ZNF35: variants seen among roughly 807,000 people sequenced by gnomAD.
ZNF35 encodes zinc finger protein 35 (clone HF.10).
A neutral mutation model predicts 45.9 loss-of-function variants in ZNF35; 31 were observed. The ratio of observed to expected loss-of-function variants is 0.68; its 90% CI spans 0.51 to 0.91. ZNF35 has a LOEUF of 0.91. Among genes scored for constraint, ZNF35 ranks in the 40% least tolerant of loss-of-function variants. ZNF35 has a pLI of 0.00. For synonymous variants in ZNF35, 205 were observed against 220.2 expected, an observed-to-expected ratio of 0.93 and a Z score of 0.61; for missense variants, 515 against 625.4, an observed-to-expected ratio of 0.82 and a Z score of 1.88.
At position 44,649,734 on chromosome 3, in the gene ZNF35, G is replaced by T. The variant is rs1348583030; in HGVS notation, c.-128+900G>T. On this transcript the variant is annotated intron_variant, in intron 1 of 3. Coordinates refer to ENST00000396056, the MANE Select transcript of ZNF35 (RefSeq NM_003420.4). The stretch of plus-strand genomic sequence containing the variant: ...TCAGCAAAAAAAAAATATTTACAAA[G>T]AAAAACTTTTAAATATTAATAAAAT... Among the ~76,000 whole-genome samples the T allele has an allele frequency of 2.6e-5, 4 of 151,670 alleles. No individual in the cohort carries two copies. In the East Asian group the frequency reaches 5.8e-4, roughly 22 times the overall value.
intron 1 of ZNF35, among the ~76,000 whole-genome samples, chr3:44,650,117 A>G (rs571672680): frequency 6.6e-6 from 1 of 151,508 alleles, no homozygotes; most frequent in South Asian, 2.1e-4. Context: ...TATATATTTA[A>G]TTCTATATAT....
rs559568368 is a variant in ZNF35 at position 44,654,727 on chromosome 3, C to T, written c.337+2026C>T. 4.3e-4 allele frequency among the ~76,000 whole-genome samples: 66 copies of T among 152,220 alleles called. 1 individual carries two copies. The highest frequency in any genetic ancestry group is 1.6e-3 in the African/African-American group (65 of 41,516). On this transcript the variant is annotated intron_variant, in intron 3 of 3. Coordinates refer to ENST00000396056, the MANE Select transcript of ZNF35 (RefSeq NM_003420.4). ...AAAAACCAATTTTTAAGCCATTAAGCATAACTTTTTACTTCATCCATACAT... is the reference window on the plus strand; with the variant it reads ...AAAAACCAATTTTTAAGCCATTAAGTATAACTTTTTACTTCATCCATACAT...
At chr3:44,653,508 T>G (rs1172224285) in intron 3 of ZNF35, among the ~76,000 whole-genome samples, 5 of 152,216 alleles carry the variant, frequency 3.3e-5, no homozygotes, top group Admixed American at 3.3e-4. Flanking sequence ...CATAGGTTGG[T>G]GAGCCTGCAA....
chr3:44,658,482 A>G (rs1430838455), intron 3 of ZNF35, among the ~76,000 whole-genome samples: 19 of 152,218 alleles, frequency 1.2e-4, no homozygotes, highest in Non-Finnish European at 2.8e-4. Flanking sequence ...AGTGCTGGAA[A>G]GACCACGAGT....
chr3:44,652,729 C>T, intron 3 of ZNF35, 28 bp downstream of exon 3: 1 of 1,521,316 alleles, frequency 6.6e-7, no homozygotes, highest in Non-Finnish European at 8.8e-7. Context: ...GATTCTGAAT[C>T]TGACCATTGG....
upstream of ZNF35, chr3:44,648,384 A>T (rs566844850): frequency 6.6e-6 from 1 of 152,376 alleles, no homozygotes; most frequent in Non-Finnish European, 1.5e-5. Flanking sequence ...TGTTGAGTCC[A>T]CATGGAAAAT....
chr3:44,651,111 G>A lies in ZNF35; in HGVS notation c.44G>A (p.Gly15Asp), dbSNP rs749876407. The change falls in exon 2 of 4, where the codon GGC (glycine) becomes GAC (aspartate). Residue 15 changes from glycine to aspartate, a missense_variant. Physicochemically the swap from Gly to Asp is moderately conservative, Grantham distance 94. Around this residue, in one of 3 missense-constraint regions of ZNF35, gnomAD observed 275 missense variants for 295.7 expected, o/e 0.93. Coordinates refer to ENST00000396056, the MANE Select transcript of ZNF35 (RefSeq NM_003420.4). ...LREAMALAPW[G>D]PVKVKKEEEE... ...GAAGCCATGGCCCTAGCCCCATGGG[G>A]CCCAGTGAAGGTGAAAAAGGAGGAG... 12 of 1,614,044 alleles carry A rather than the reference G, an allele frequency of 7.4e-6. No individual in the cohort carries two copies. In the South Asian group the frequency reaches 1.1e-4, roughly 15 times the overall value.
At chr3:44,655,853 G>C (rs1375804806) in intron 3 of ZNF35, among the ~76,000 whole-genome samples, 1 of 152,220 alleles carries the variant, frequency 6.6e-6, no homozygotes, top group Non-Finnish European at 1.5e-5. Context: ...AATCAGTTTA[G>C]TAGTTCCCAT....
In ZNF35 at chr3:44,651,200, G is replaced by A. The variant is rs142020701; in HGVS notation, c.133G>A (p.Val45Ile). 459 of 1,614,166 alleles carry A rather than the reference G, an allele frequency of 2.8e-4. No individual in the cohort carries two copies. The Middle Eastern group carries it at 4.0e-3, about 14-fold the overall frequency. The stretch of plus-strand genomic sequence containing the variant: ...ACAAGTGCACTCCGAGAACATCAAA[G>A]TCTGGGCCCCAGTGCAGGGTCTTCA... ...SQQVHSENIK[V>I]WAPVQGLQTG... Residue 45 changes from valine (V) to isoleucine (I), a missense_variant, in exon 2 of 4, where the codon GTC becomes ATC. Physicochemically the swap from Val to Ile is conservative, Grantham distance 29. Around this residue, in one of 3 missense-constraint regions of ZNF35, gnomAD observed 275 missense variants for 295.7 expected, o/e 0.93. Transcript: ENST00000396056.
chr3:44,649,038 A>G (rs1297274582), intron 1 of ZNF35, among the ~76,000 whole-genome samples: 2 of 152,172 alleles, frequency 1.3e-5, no homozygotes, highest in Non-Finnish European at 2.9e-5. Context: ...GAGGATGCAC[A>G]CGGACCGGCC....
At position 44,651,254 on chromosome 3, in the gene ZNF35, GA is replaced by G; in HGVS notation, c.191del (p.Lys64ArgfsTer11). 6.2e-7 allele frequency: 1 copy of G among 1,611,550 alleles called. No homozygotes were observed. Among genetic ancestry groups the G allele is most frequent in the Non-Finnish European group, 8.5e-7 (1 of 1,179,066 alleles). ...QTGLDGSEEEEKGQNISWDMA... is the reference protein window; with the variant it reads ...QTGLDGSEEEXKGQNISWDMA... ...AGGCCTTGATGGATCAGAAGAGGAA[GA>G]AAAGGTAAACGGGGGCCTGAGAGGA... is the stretch of plus-strand genomic sequence containing the variant. On this transcript the variant is annotated frameshift_variant, in exon 2 of 4. Transcript: ENST00000396056. LOFTEE classifies it high-confidence loss of function.
chr3:44,659,081 C>T lies in ZNF35; in HGVS notation c.718C>T (p.His240Tyr), dbSNP rs1703357949. 6.2e-7 allele frequency: 1 copy of T among 1,614,160 alleles called. No homozygotes were observed. Among genetic ancestry groups the T allele is most frequent in the African/African-American group, 1.3e-5 (1 of 75,056 alleles). Reference protein sequence around the residue: ...GFSQSANLVVHQRIHTGEKPF... With the variant: ...GFSQSANLVVYQRIHTGEKPF... The stretch of plus-strand genomic sequence containing the variant: ...TAGTCAGAGTGCAAACCTCGTTGTG[C>T]ATCAGCGAATCCACACTGGAGAGAA... Residue 240 changes from histidine (H) to tyrosine (Y), a missense_variant, in exon 4 of 4, where the codon CAT becomes TAT. By Grantham distance (83) the His-to-Tyr change is moderately conservative. Transcript: ENST00000396056. The surrounding 1 kb of genome is among the most constrained non-coding windows in gnomAD (Gnocchi z 4.3).
upstream of ZNF35, chr3:44,646,841 A>G (rs1203636604): frequency 1.0e-5 from 3 of 297,468 alleles, no homozygotes; most frequent in Non-Finnish European, 1.9e-5. Context: ...AAGCAATTCA[A>G]TGGAGGAGGG....
intron 2 of ZNF35, among the ~76,000 whole-genome samples, chr3:44,651,940 A>G (rs1297349410): frequency 1.3e-5 from 2 of 151,920 alleles, no homozygotes; most frequent in Non-Finnish European, 2.9e-5. Flanking sequence ...AGAGCTTCTA[A>G]AACTTTAATG....
chr3:44,659,659 C>A lies in ZNF35; in HGVS notation c.1296C>A (p.Cys432Ter). 1 of 1,614,186 alleles carries A rather than the reference C, an allele frequency of 6.2e-7. No individual in the cohort carries two copies. The highest frequency in any genetic ancestry group is 8.5e-7 in the Non-Finnish European group (1 of 1,180,040). ...GGAAAGCCTTCAGTCAGCTCTCTTGCCTTATTGTCCACCAGAGAATTCACA... is the reference window on the plus strand; with the variant it reads ...GGAAAGCCTTCAGTCAGCTCTCTTGACTTATTGTCCACCAGAGAATTCACA... ...ECGKAFSQLS[C>*]LIVHQRIHSG... Residue 432 changes from cysteine to a stop codon, truncating the protein, a stop_gained, in exon 4 of 4, where the codon TGC becomes TGA. Coordinates refer to ENST00000396056, the MANE Select transcript of ZNF35 (RefSeq NM_003420.4). LOFTEE classifies it high-confidence loss of function. This position sits in a 1 kb window ranked among gnomAD's most constrained non-coding sequence, Gnocchi z 4.3.
Position 44,660,444 on chromosome 3 carries a change from T to C in ZNF35, c.*497T>C, listed in dbSNP as rs1285369143. ...CTTACGAATGTTTATAAGCTTTCCA[T>C]TTCCTAGGTAATTTTTTAAAAGCCA... On this transcript the variant is annotated 3_prime_UTR_variant, in exon 4 of 4. Transcript: ENST00000396056. The C allele has an allele frequency of 2.0e-5, 3 of 152,682 alleles. No homozygotes were observed. The highest frequency in any genetic ancestry group is 7.2e-5 in the African/African-American group (3 of 41,468). 9.5% of individuals were successfully genotyped at this position (152,682 alleles called of 1,614,324 possible).
chr3:44,650,307 CA>C (rs1164549031), intron 1 of ZNF35, among the ~76,000 whole-genome samples: 2 of 151,464 alleles, frequency 1.3e-5, no homozygotes, highest in Admixed American at 1.3e-4. Context: ...AAAAATCAAA[CA>C]AAAAAAATGA....
chr3:44,659,395 T>C lies in ZNF35; in HGVS notation c.1032T>C (p.Thr344=), dbSNP rs372043985. The C allele has an allele frequency of 2.5e-6, 4 of 1,613,222 alleles. No individual in the cohort carries two copies. The South Asian group carries it at 3.3e-5, about 13-fold the overall frequency. The stretch of plus-strand genomic sequence containing the variant: ...GTAATGAATGTGGGAAAACATTTAC[T>C]AGGAGCTCAAACCTCATTGTCCACC... ...YECNECGKTF[T]RSSNLIVHQR... Residue 344 remains threonine (T), a synonymous_variant, in exon 4 of 4, where the codon ACT becomes ACC. Transcript: ENST00000396056. The surrounding 1 kb of genome is among the most constrained non-coding windows in gnomAD (Gnocchi z 4.3).
rs769968112 is a variant in ZNF35 at position 44,658,925 on chromosome 3, T to G, written c.562T>G (p.Phe188Val). Residue 188 changes from phenylalanine (F) to valine (V), a missense_variant, in exon 4 of 4, where the codon TTC becomes GTC. Physicochemically the swap from Phe to Val is conservative, Grantham distance 50. Around this residue, in one of 3 missense-constraint regions of ZNF35, gnomAD observed 275 missense variants for 295.7 expected, o/e 0.93. Coordinates refer to ENST00000396056, the MANE Select transcript of ZNF35 (RefSeq NM_003420.4). ...IVNDCHLPES[F>V]KEEENQKCKK... ...GAATGACTGTCACTTACCTGAAAGC[T>G]TCAAAGAAGAGGAAAACCAGAAATG... is the stretch of plus-strand genomic sequence containing the variant. The G allele has an allele frequency of 4.3e-6, 7 of 1,613,604 alleles. No individual in the cohort carries two copies. The African/African-American group carries it at 9.4e-5, about 22-fold the overall frequency.
Sources: gnomAD v4.1 joint callset for allele counts (sites outside exome capture counted in the v4.1 genomes callset) on GRCh38, gnomAD v4.1.1 for gene constraint, gnomAD v4.1.1 regional missense constraint, Gnocchi (gnomAD v3.1) non-coding constraint, MANE v1.5 for transcripts, NCBI Gene and HGNC (gene_info 2026-07-23, HGNC 2026-07-21) for gene names.